The following PPOX variants were observed in gnomAD, a reference collection of about 807,000 sequenced individuals.
PPOX encodes protoporphyrinogen oxidase.
Under a neutral mutation model 54.1 loss-of-function variants are expected in PPOX, and 23 were observed. That is an observed-to-expected ratio of 0.43 (90% CI 0.31 to 0.60). The LOEUF is 0.60. Among genes scored for constraint, PPOX ranks in the 20% least tolerant of loss-of-function variants. PPOX has a pLI of 0.13. For missense variants in PPOX, 512 were observed against 601.1 expected (o/e 0.85, Z 1.55); for synonymous variants, 224 against 236.1 (o/e 0.95, Z 0.47).
chr1:161,171,784 G>T (rs1571436391), downstream of PPOX: 1 of 1,610,388 alleles, frequency 6.2e-7, no homozygotes, highest in Admixed American at 1.7e-5. Flanking sequence ...CATGAATTCG[G>T]TTTCATGATT....
At chr1:161,172,943 C>T (rs1662022591), downstream of PPOX, among the ~76,000 whole-genome samples, 1 of 151,308 alleles carries the variant, frequency 6.6e-6, no homozygotes, top group South Asian at 2.1e-4. Context: ...AAGAAACAAA[C>T]TCCACTTCTG....
downstream of PPOX, chr1:161,173,502 C>G: frequency 1.3e-6 from 2 of 1,535,514 alleles, no homozygotes; most frequent in Non-Finnish European, 1.8e-6. Flanking sequence ...AGTGCAGGAC[C>G]AGGGAGCTAA....
intron 9 of PPOX, 42 bp from the exon 10 acceptor site, chr1:161,170,366 CT>C (rs750226464): frequency 8.2e-7 from 1 of 1,221,264 alleles, no homozygotes. Flanking sequence ...ACAGCCTCAG[CT>C]AGAGCCCTTT....
chr1:161,167,641 T>G (rs1659574883), intron 4 of PPOX, 155 bp downstream of exon 4: 2 of 1,072,764 alleles, frequency 1.9e-6, no homozygotes, highest in Admixed American at 5.6e-5. Context: ...CTTGGCTCAC[T>G]GCAACTTCCG....
downstream of PPOX, chr1:161,172,294 T>A (rs774403075): frequency 6.2e-7 from 1 of 1,613,850 alleles, no homozygotes; most frequent in Non-Finnish European, 8.5e-7. Context: ...CCTACAGATG[T>A]GGGGGGCCGA....
At chr1:161,173,814 G>A, downstream of PPOX, 1 of 1,610,066 alleles carries the variant, frequency 6.2e-7, no homozygotes, top group Non-Finnish European at 8.5e-7. Flanking sequence ...CCTTCCACAG[G>A]ATAGTAGGCT....
downstream of PPOX, chr1:161,174,788 AG>A (rs748526799): frequency 2.6e-4 from 152 of 593,250 alleles, no homozygotes; most frequent in Non-Finnish European, 3.9e-4. Flanking sequence ...AGGAGAGTGT[AG>A]GACAGTGGGA....
At chr1:161,174,244 A>G (rs542879803), downstream of PPOX, among the ~76,000 whole-genome samples, 2 of 152,110 alleles carry the variant, frequency 1.3e-5, no homozygotes, top group Non-Finnish European at 2.9e-5. Context: ...CATCTCTACT[A>G]AAAATACAAA....
chr1:161,171,377 G>T, downstream of PPOX: 3 of 927,462 alleles, frequency 3.2e-6, no homozygotes, highest in Non-Finnish European at 4.8e-6. Context: ...ACCAGAAGAG[G>T]GAGCTATTCC....
At chr1:161,169,224 C>G (rs778757223) in intron 7 of PPOX, 41 bp downstream of exon 7, 2 of 1,605,848 alleles carry the variant, frequency 1.2e-6, no homozygotes, top group Admixed American at 3.3e-5. Flanking sequence ...GTCAGTGTTT[C>G]CATCTTTATC....
downstream of PPOX, chr1:161,171,363 C>A: frequency 1.9e-6 from 2 of 1,052,450 alleles, no homozygotes; most frequent in Non-Finnish European, 2.8e-6. Context: ...CCCCCTGAGC[C>A]AGGACCAGAA....
In PPOX at chr1:161,170,435, A is replaced by G. The variant is rs748307020; in HGVS notation, c.1014A>G (p.Ser338=). The G allele has an allele frequency of 6.2e-7, 1 of 1,612,256 alleles. No individual in the cohort carries two copies. Among genetic ancestry groups the G allele is most frequent in the East Asian group, 2.2e-5 (1 of 44,774 alleles). ...GATTTGGACATTTGGTGCCATCTTC[A>G]GAAGATCCAGGAGTCCTGGGAATCG... The part of the protein sequence containing the change: ...VQGFGHLVPS[S]EDPGVLGIVY... Residue 338 remains serine, a synonymous_variant, in exon 10 of 13, where the codon TCA becomes TCG. Coordinates refer to ENST00000367999, the MANE Select transcript of PPOX (RefSeq NM_001122764.3).
Position 161,171,119 on chromosome 1 carries a change from T to C in PPOX, c.1377T>C (p.Cys459=), listed in dbSNP as rs752510811. ...ASYEGVAVND[C]IESGRQAAVS... ...ATGAGGGAGTTGCTGTTAATGACTG[T>C]ATAGAGAGTGGGCGCCAGGCAGCAG... is the stretch of plus-strand genomic sequence containing the variant. Residue 459 remains cysteine (C), a synonymous_variant, in exon 13 of 13, where the codon TGT becomes TGC. Coordinates refer to ENST00000367999, the MANE Select transcript of PPOX (RefSeq NM_001122764.3). 6.2e-7 allele frequency: 1 copy of C among 1,613,910 alleles called. No individual in the cohort carries two copies. Among genetic ancestry groups the C allele is most frequent in the East Asian group, 2.2e-5 (1 of 44,876 alleles).
At chr1:161,166,734 T>G in intron 1 of PPOX, 62 bp downstream of exon 1, 1 of 1,556,502 alleles carries the variant, frequency 6.4e-7, no homozygotes, top group Non-Finnish European at 8.6e-7. Context: ...GCACACTTAG[T>G]TTCCCCTAAA....
intron 7 of PPOX, 182 bp downstream of exon 7, chr1:161,169,365 G>GC (rs1369866698): frequency 2.2e-5 from 17 of 764,842 alleles, no homozygotes; most frequent in Non-Finnish European, 3.6e-5. Flanking sequence ...AAGAGCCTAT[G>GC]CAAGTCTGTG....
rs1279606653 is a variant in PPOX at position 161,168,397 on chromosome 1, T to C, written c.472-35T>C. ...TGTGGAAATCAGTCAGTGTAGATTA[T>C]TTTTTCGCTCCTTAGTCCTAGTCTC... On this transcript the variant is annotated intron_variant, in intron 5 of 12. Transcript: ENST00000367999. 2.5e-6 allele frequency: 4 copies of C among 1,613,252 alleles called. No homozygotes were observed. The Admixed American group carries it at 6.7e-5, about 27-fold the overall frequency.
downstream of PPOX, chr1:161,171,773 C>T (rs771271911): frequency 2.5e-6 from 4 of 1,604,872 alleles, no homozygotes; most frequent in African/African-American, 5.4e-5. Flanking sequence ...GAATACAACC[C>T]CATGAATTCG....
At chr1:161,169,330 A>G in intron 7 of PPOX, 147 bp downstream of exon 7, 1 of 965,342 alleles carries the variant, frequency 1.0e-6, no homozygotes, top group Non-Finnish European at 1.6e-6. Flanking sequence ...CCAGAATCCT[A>G]GGCCCTATTT....
intron 4 of PPOX, 36 bp downstream of exon 4, chr1:161,167,522 T>C: frequency 7.0e-7 from 1 of 1,419,548 alleles, no homozygotes. Context: ...TACTGTGCCC[T>C]CATCCTCATA....
Sources: gnomAD v4.1 joint callset for allele counts (sites outside exome capture counted in the v4.1 genomes callset) on GRCh38, gnomAD v4.1.1 for gene constraint, MANE v1.5 for transcripts, NCBI Gene and HGNC (gene_info 2026-07-23, HGNC 2026-07-21) for gene names.